Variants in PPARGC1A observed in about 807,000 individuals in gnomAD.
The protein encoded by PPARGC1A is peroxisome proliferator-activated receptor gamma coactivator 1-alpha.
A neutral mutation model predicts 88.7 loss-of-function variants in PPARGC1A; 25 were observed. The observed-to-expected ratio is 0.28, with a 90% CI of 0.21 to 0.39. The LOEUF (loss-of-function observed/expected upper bound fraction) is 0.39, where lower values mean the gene tolerates loss of function less well. PPARGC1A is among the 10% of genes least tolerant of loss of function. PPARGC1A has a pLI of 1.00. For synonymous variants in PPARGC1A, 363 were observed against 355.6 expected, an observed-to-expected ratio of 1.02 and a Z score of -0.24; for missense variants, 880 against 968.7, an observed-to-expected ratio of 0.91 and a Z score of 1.22.
At chr4:24,048,404 T>C in the PPARGC1A span, among the ~76,000 whole-genome samples, 1 of 152,202 alleles carries the variant, frequency 6.6e-6, no homozygotes, top group African/African-American at 2.4e-5. Flanking sequence ...TTTACTTCTC[T>C]TTCTCATTTT....
At chr4:24,448,511 T>C in the PPARGC1A span, among the ~76,000 whole-genome samples, 2 of 152,154 alleles carry the variant, frequency 1.3e-5, no homozygotes, top group Non-Finnish European at 2.9e-5. Flanking sequence ...TGCTTTAAAA[T>C]CTCCACTGGA....
At chr4:23,838,671 ATGCCAAATTTGC>A (rs1288892513) in intron 2 of PPARGC1A, among the ~76,000 whole-genome samples, 1 of 152,170 alleles carries the variant, frequency 6.6e-6, no homozygotes, top group Non-Finnish European at 1.5e-5. Flanking sequence ...GCCCTGTTGG[ATGCCAAATTTGC>A]TGGAATTTGT....
the PPARGC1A span, among the ~76,000 whole-genome samples, chr4:24,278,036 G>A: frequency 5.3e-5 from 8 of 152,034 alleles, no homozygotes; most frequent in African/African-American, 1.7e-4. Flanking sequence ...TAAGACCGGC[G>A]TGGTGGCTCA....
At chr4:23,893,775 C>T (rs1388902920), upstream of PPARGC1A, among the ~76,000 whole-genome samples, 1 of 152,080 alleles carries the variant, frequency 6.6e-6, no homozygotes, top group Non-Finnish European at 1.5e-5. Context: ...AAAATACAAC[C>T]TCGGGAATGT....
At chr4:24,134,262 T>C in the PPARGC1A span, among the ~76,000 whole-genome samples, 2 of 152,250 alleles carry the variant, frequency 1.3e-5, no homozygotes, top group Non-Finnish European at 2.9e-5. Flanking sequence ...GATCCCACTA[T>C]GCATCTTGAG....
At chr4:24,330,311 G>A in the PPARGC1A span, among the ~76,000 whole-genome samples, 1 of 152,156 alleles carries the variant, frequency 6.6e-6, no homozygotes, top group Non-Finnish European at 1.5e-5. Flanking sequence ...CACTCTGGGG[G>A]AAGACTGCTT....
chr4:23,985,078 G>A, the PPARGC1A span, among the ~76,000 whole-genome samples: 10 of 152,222 alleles, frequency 6.6e-5, no homozygotes, highest in South Asian at 4.2e-4. Flanking sequence ...CAGAACGTTC[G>A]TGAAAGTTTG....
chr4:24,439,832 A>C, the PPARGC1A span, among the ~76,000 whole-genome samples: 1 of 152,228 alleles, frequency 6.6e-6, no homozygotes, highest in Non-Finnish European at 1.5e-5. Flanking sequence ...GCTTGGATTT[A>C]CCATGATTTT....
At chr4:24,109,497 A>G in the PPARGC1A span, among the ~76,000 whole-genome samples, 2 of 152,208 alleles carry the variant, frequency 1.3e-5, no homozygotes, top group African/African-American at 4.8e-5. Flanking sequence ...CACTGGATAA[A>G]TATTTGTTGA....
In PPARGC1A at chr4:23,795,308, T is replaced by C. The variant is rs1717338034; in HGVS notation, c.*514A>G. 7.0e-6 allele frequency: 1 copy of C among 143,580 alleles called. No individual in the cohort carries two copies. The highest frequency in any genetic ancestry group is 2.2e-4 in the South Asian group (1 of 4,572). 8.9% of individuals were successfully genotyped at this position (143,580 alleles called of 1,614,324 possible). On this transcript the variant is annotated 3_prime_UTR_variant, in exon 13 of 13. Transcript: ENST00000264867. ...TTTTTAATTTATATATATATATATA[T>C]ATATATATATATATATATATATTTC...
intron 12 of PPARGC1A, among the ~76,000 whole-genome samples, chr4:23,796,941 C>T (rs1479687985): frequency 6.6e-6 from 1 of 151,958 alleles, no homozygotes; most frequent in South Asian, 2.1e-4. Context: ...ATACTAGATA[C>T]TACAGAGGCA....
the PPARGC1A span, among the ~76,000 whole-genome samples, chr4:23,920,883 C>G: frequency 6.6e-6 from 1 of 152,158 alleles, no homozygotes; most frequent in Admixed American, 6.5e-5. Flanking sequence ...AGTTCAGCCA[C>G]GGGGAGCCTG....
the PPARGC1A span, among the ~76,000 whole-genome samples, chr4:24,201,194 C>T: frequency 6.6e-6 from 1 of 152,180 alleles, no homozygotes; most frequent in Non-Finnish European, 1.5e-5. Context: ...GCCAGTATCA[C>T]TGTAAAATAA....
the PPARGC1A span, among the ~76,000 whole-genome samples, chr4:24,294,482 G>T: frequency 1.3e-5 from 2 of 152,008 alleles, no homozygotes; most frequent in Non-Finnish European, 2.9e-5. Context: ...TCCTTTTTCT[G>T]AAATAAATAG....
At chr4:24,175,429 T>C in the PPARGC1A span, among the ~76,000 whole-genome samples, 1 of 146,722 alleles carries the variant, frequency 6.8e-6, no homozygotes, top group Non-Finnish European at 1.5e-5. Context: ...GGCTGGAGCG[T>C]AGTGGCGCAA....
chr4:24,439,946 A>G, the PPARGC1A span, among the ~76,000 whole-genome samples: 1 of 152,326 alleles, frequency 6.6e-6, no homozygotes, highest in East Asian at 1.9e-4. Flanking sequence ...AGAGAAGCCA[A>G]TTCAGTGCTT....
intron 4 of PPARGC1A, 138 bp from the exon 5 acceptor site, chr4:23,828,742 G>C (rs1724464688): frequency 1.4e-6 from 1 of 721,492 alleles, no homozygotes; most frequent in Non-Finnish European, 2.3e-6. Context: ...GTGAATAACT[G>C]TTTGCAGAAC....
chr4:24,139,416 G>T, the PPARGC1A span, among the ~76,000 whole-genome samples: 2 of 152,026 alleles, frequency 1.3e-5, no homozygotes, highest in Non-Finnish European at 2.9e-5. Flanking sequence ...CACATTTCCA[G>T]ACAATTTTTG....
the PPARGC1A span, among the ~76,000 whole-genome samples, chr4:24,332,308 G>A: frequency 2.6e-5 from 4 of 151,982 alleles, no homozygotes; most frequent in Non-Finnish European, 5.9e-5. Flanking sequence ...TGGTCGAGGA[G>A]CCTCTAGGAT....
Sources: gnomAD v4.1 joint callset for allele counts (sites outside exome capture counted in the v4.1 genomes callset) on GRCh38, gnomAD v4.1.1 for gene constraint, MANE v1.5 for transcripts, NCBI Gene and HGNC (gene_info 2026-07-23, HGNC 2026-07-21) for gene names.